The following MME variants were observed in gnomAD, a reference collection of about 807,000 sequenced individuals.
MME encodes the protein membrane metalloendopeptidase, also known as neprilysin.
In MME, 98 loss-of-function variants were observed where a neutral mutation model predicts 113.2. The ratio of observed to expected loss-of-function variants is 0.87; its 90% confidence interval spans 0.74 to 1.02. The LOEUF is 1.02. Among genes scored for constraint, MME ranks in the 50% least tolerant of loss-of-function variants. The pLI is 0.00. For missense variants in MME, 836 were observed against 896.0 expected, an observed-to-expected ratio of 0.93 and a Z score of 0.86; for synonymous variants, 292 against 300.6, an observed-to-expected ratio of 0.97 and a Z score of 0.30.
chr3:155,055,638 A>T (rs935500745), intron 1 of MME, among the ~76,000 whole-genome samples: 3 of 152,262 alleles, frequency 2.0e-5, no homozygotes, highest in Admixed American at 6.5e-5. Context: ...CATTTACATA[A>T]ATTTCAAAAC....
chr3:155,074,787 A>G (rs1184347974), upstream of MME, among the ~76,000 whole-genome samples: 1 of 152,058 alleles, frequency 6.6e-6, no homozygotes, highest in East Asian at 1.9e-4. Context: ...TTCTAGATAT[A>G]TATGTGGTTT....
intron 1 of MME, among the ~76,000 whole-genome samples, chr3:155,044,542 CAG>C (rs1713480172): frequency 1.3e-5 from 2 of 151,936 alleles, no homozygotes; most frequent in South Asian, 4.2e-4. Flanking sequence ...TATTTTGAGA[CAG>C]AGTCTCGCTG....
chr3:155,172,463 C>T, intron 21 of MME, 73 bp from the exon 22 acceptor site: 1 of 1,234,640 alleles, frequency 8.1e-7, no homozygotes, highest in South Asian at 1.2e-5. Context: ...TCTCCTTCCC[C>T]TCAACTTGCT....
chr3:155,114,423 G>T (rs1444932694), intron 3 of MME, among the ~76,000 whole-genome samples: 1 of 152,154 alleles, frequency 6.6e-6, no homozygotes, highest in East Asian at 1.9e-4. Context: ...GTTTTATAAT[G>T]ACAGACTCTA....
intron 3 of MME, among the ~76,000 whole-genome samples, chr3:155,092,502 G>A (rs6764041): frequency 0.9 from 137,634 of 152,280 alleles, 62,478 homozygotes; most frequent in African/African-American, 0.98. Context: ...ACTCCTAGGT[G>A]TTACTTAAAA....
intron 1 of MME, among the ~76,000 whole-genome samples, chr3:155,031,254 GA>G (rs543632314): frequency 2.2e-4 from 33 of 151,856 alleles, no homozygotes; most frequent in African/African-American, 8.0e-4. Flanking sequence ...TTCCAGTTTA[GA>G]AAAAAAATTG....
chr3:155,082,415 A>T (rs929701074), intron 1 of MME, among the ~76,000 whole-genome samples: 3 of 152,158 alleles, frequency 2.0e-5, no homozygotes, highest in African/African-American at 7.2e-5. Context: ...GACTGGGAGA[A>T]TTATTATTGT....
chr3:155,178,071 G>A (rs975181492), intron 22 of MME, among the ~76,000 whole-genome samples: 2 of 152,090 alleles, frequency 1.3e-5, no homozygotes, highest in African/African-American at 4.8e-5. Flanking sequence ...GCATCTTCTT[G>A]TCATTCACAC....
chr3:155,109,439 A>C (rs889597820), intron 3 of MME, among the ~76,000 whole-genome samples: 3 of 152,164 alleles, frequency 2.0e-5, no homozygotes, highest in African/African-American at 7.2e-5. Flanking sequence ...GACACATGTG[A>C]GGTTCCGTGC....
chr3:155,165,727 A>T (rs1428950066), intron 17 of MME, among the ~76,000 whole-genome samples: 11 of 152,198 alleles, frequency 7.2e-5, no homozygotes, highest in African/African-American at 1.9e-4. Flanking sequence ...TAATACTGAC[A>T]GGAGAAGATA....
At chr3:155,063,221 T>C (rs1576677725) in intron 1 of MME, among the ~76,000 whole-genome samples, 1 of 116,368 alleles carries the variant, frequency 8.6e-6, no homozygotes, top group Non-Finnish European at 1.7e-5. Flanking sequence ...ATAATATACA[T>C]ATGTATATTA....
chr3:155,142,473 G>C (rs779314311), intron 12 of MME, 143 bp downstream of exon 12: 2 of 671,474 alleles, frequency 3.0e-6, no homozygotes, highest in Non-Finnish European at 5.2e-6. Flanking sequence ...ACATATTTAG[G>C]ACATGTTGCT....
At chr3:155,048,974 T>C (rs564495003) in intron 1 of MME, among the ~76,000 whole-genome samples, 2 of 152,188 alleles carry the variant, frequency 1.3e-5, no homozygotes, top group African/African-American at 4.8e-5. Context: ...GTTTTTAACA[T>C]GTTTAACTTA....
intron 1 of MME, among the ~76,000 whole-genome samples, chr3:155,068,670 A>T (rs980698905): frequency 6.6e-6 from 1 of 152,228 alleles, no homozygotes; most frequent in Non-Finnish European, 1.5e-5. Flanking sequence ...AAAATCTGAA[A>T]ATACAGAATT....
At chr3:155,102,094 C>T (rs554592538) in intron 3 of MME, among the ~76,000 whole-genome samples, 2 of 152,134 alleles carry the variant, frequency 1.3e-5, no homozygotes, top group South Asian at 4.1e-4. Context: ...TTAGATCCTG[C>T]CTACATGACT....
intron 3 of MME, among the ~76,000 whole-genome samples, chr3:155,108,489 G>T (rs1717884981): frequency 6.6e-6 from 1 of 151,868 alleles, no homozygotes; most frequent in East Asian, 1.9e-4. Context: ...CCAGCTACTT[G>T]GGAGGCTGAG....
At chr3:155,134,577 T>C (rs1478820894) in intron 8 of MME, among the ~76,000 whole-genome samples, 3 of 152,186 alleles carry the variant, frequency 2.0e-5, no homozygotes, top group African/African-American at 7.2e-5. Context: ...TTTTTGCTAT[T>C]GTGAGTAGTG....
At chr3:155,075,973 T>G (rs979655031), upstream of MME, among the ~76,000 whole-genome samples, 1 of 152,266 alleles carries the variant, frequency 6.6e-6, no homozygotes, top group Non-Finnish European at 1.5e-5. Context: ...TATTCTTTGC[T>G]TATCATTCTT....
intron 8 of MME, among the ~76,000 whole-genome samples, chr3:155,128,634 A>G (rs796559252): frequency 7.9e-5 from 12 of 152,156 alleles, no homozygotes; most frequent in African/African-American, 2.6e-4. Flanking sequence ...TTCCTCTAAT[A>G]TAGTTTTCCT....
Sources: gnomAD v4.1 joint callset for allele counts (sites outside exome capture counted in the v4.1 genomes callset) on GRCh38, gnomAD v4.1.1 for gene constraint, MANE v1.5 for transcripts, NCBI Gene and HGNC (gene_info 2026-07-23, HGNC 2026-07-21) for gene names.